The following TSC22D3 variants were observed in gnomAD, a reference collection of about 807,000 sequenced individuals.
TSC22D3 encodes the protein TSC22 domain family protein 3.
TSC22D3 carries 4 observed loss-of-function variants against 11.1 expected under a neutral mutation model. The ratio of observed to expected loss-of-function variants is 0.36; its 90% CI spans 0.18 to 0.83. The LOEUF (loss-of-function observed/expected upper bound fraction) is 0.83, where lower values mean the gene tolerates loss of function less well. Ranked by LOEUF, TSC22D3 falls within the 40% of genes least tolerant of loss-of-function variation. TSC22D3 has a pLI of 0.48. For synonymous variants in TSC22D3, 77 were observed against 70.3 expected (o/e 1.10, Z -0.48); for missense variants, 118 against 159.4 (o/e 0.74, Z 1.40).
intron 1 of TSC22D3, among the ~76,000 whole-genome samples, chrX:107,749,070 C>T (rs753886043): frequency 2.4e-4 from 27 of 110,907 alleles, no homozygotes; most frequent in Non-Finnish European, 4.7e-4. Flanking sequence ...TGCGGTGGCT[C>T]ATGCCTGTGA....
At chrX:107,774,003 G>A (rs1165411360) in intron 1 of TSC22D3, among the ~76,000 whole-genome samples, 1 of 112,084 alleles carries the variant, frequency 8.9e-6, no homozygotes, top group East Asian at 2.8e-4. Flanking sequence ...GGAGAGACTA[G>A]AGAGGTCAGG....
At chrX:107,734,512 C>T (rs1928034888) in intron 1 of TSC22D3, among the ~76,000 whole-genome samples, 1 of 111,565 alleles carries the variant, frequency 9.0e-6, no homozygotes, top group African/African-American at 3.3e-5. Flanking sequence ...ATTTTTTGGC[C>T]CCTGCCACCT....
At chrX:107,729,929 G>T (rs1405944773) in intron 1 of TSC22D3, among the ~76,000 whole-genome samples, 1 of 112,669 alleles carries the variant, frequency 8.9e-6, no homozygotes, top group African/African-American at 3.2e-5. Context: ...GGTGGGCCTT[G>T]CTTTAAGCAA....
intron 1 of TSC22D3, among the ~76,000 whole-genome samples, chrX:107,767,828 T>C (rs1266435835): frequency 8.9e-6 from 1 of 112,226 alleles, no homozygotes; most frequent in African/African-American, 3.2e-5. Context: ...TGTCCCATTA[T>C]TGCAGACTTT....
chrX:107,763,675 A>G (rs1384922986), intron 1 of TSC22D3, among the ~76,000 whole-genome samples: 2 of 111,991 alleles, frequency 1.8e-5, no homozygotes, highest in Admixed American at 1.9e-4. Flanking sequence ...CCGCAAAGGG[A>G]AAAGAAAACC....
Position 107,732,380 on chromosome X carries a change from C to T in TSC22D3, c.321-16430G>A, listed in dbSNP as rs189312193. On this transcript the variant is annotated intron_variant, in intron 1 of 2. Transcript: ENST00000372383. ...TGCCCACATTCACACTCTGACAGAACTCCTCCCCTCCTTATGCAAAAGGAA... is the reference window on the plus strand; with the variant it reads ...TGCCCACATTCACACTCTGACAGAATTCCTCCCCTCCTTATGCAAAAGGAA... 4.1e-3 allele frequency among the ~76,000 whole-genome samples: 454 copies of T among 110,253 alleles called. 3 individuals are homozygous for T. The highest frequency in any genetic ancestry group is 0.014 in the African/African-American group (428 of 30,247).
intron 1 of TSC22D3, among the ~76,000 whole-genome samples, chrX:107,748,552 C>A (rs1159120415): frequency 9.0e-6 from 1 of 111,719 alleles, no homozygotes; most frequent in Non-Finnish European, 1.9e-5. Flanking sequence ...ACGGTGGGAT[C>A]TTCCTCCCTT....
At chrX:107,765,532 G>A (rs1929619546) in intron 1 of TSC22D3, among the ~76,000 whole-genome samples, 1 of 112,083 alleles carries the variant, frequency 8.9e-6, no homozygotes, top group African/African-American at 3.2e-5. Flanking sequence ...GCAGGCCCTT[G>A]GTCAATAAAT....
intron 1 of TSC22D3, among the ~76,000 whole-genome samples, chrX:107,773,819 A>G (rs1930013497): frequency 9.0e-6 from 1 of 111,703 alleles, no homozygotes; most frequent in Non-Finnish European, 1.9e-5. Context: ...AGGGAGGCAA[A>G]CCTGCTCTTA....
intron 1 of TSC22D3, among the ~76,000 whole-genome samples, chrX:107,752,835 ACT>A (rs1490673561): frequency 1.8e-5 from 2 of 111,269 alleles, no homozygotes; most frequent in South Asian, 3.8e-4. Flanking sequence ...GGAAGAAAAG[ACT>A]CTGTCCCAGG....
intron 1 of TSC22D3, among the ~76,000 whole-genome samples, chrX:107,768,752 G>A (rs1361229275): frequency 4.4e-5 from 5 of 112,626 alleles, no homozygotes; most frequent in Non-Finnish European, 9.4e-5. Context: ...ATGACCAGAG[G>A]TCTGATAAAC....
chrX:107,718,713 A>C (rs1455780820), intron 1 of TSC22D3, among the ~76,000 whole-genome samples: 1 of 112,543 alleles, frequency 8.9e-6, no homozygotes, highest in African/African-American at 3.2e-5. Flanking sequence ...TATATTGCAA[A>C]GTACTGACCA....
intron 1 of TSC22D3, among the ~76,000 whole-genome samples, chrX:107,767,118 TC>T (rs1056111164): frequency 1.8e-5 from 2 of 111,231 alleles, no homozygotes; most frequent in African/African-American, 6.5e-5. Flanking sequence ...GGAGCGGGAA[TC>T]CTGGCCAGAC....
At chrX:107,744,070 T>A (rs920288333) in intron 1 of TSC22D3, among the ~76,000 whole-genome samples, 4 of 112,278 alleles carry the variant, frequency 3.6e-5, no homozygotes, top group African/African-American at 1.3e-4. Context: ...TGTAGGTAGA[T>A]GGTAAGGTTC....
intron 1 of TSC22D3, chrX:107,722,259 C>T: frequency 6.5e-6 from 1 of 153,148 alleles, no homozygotes; most frequent in Non-Finnish European, 1.3e-5. Context: ...CTTGGAAAAG[C>T]AGCTCTAGCA....
chrX:107,743,530 C>T (rs746088684), intron 1 of TSC22D3, among the ~76,000 whole-genome samples: 10 of 111,926 alleles, frequency 8.9e-5, no homozygotes, highest in South Asian at 3.7e-4. Context: ...GCAGGTATTT[C>T]GGGCCCCAGA....
At chrX:107,742,137 A>C (rs958882414) in intron 1 of TSC22D3, among the ~76,000 whole-genome samples, 1 of 110,382 alleles carries the variant, frequency 9.1e-6, no homozygotes, top group Non-Finnish European at 1.9e-5. Context: ...AAGTTGCACC[A>C]GCAGGTGATG....
chrX:107,775,068 A>G (rs1412110574), intron 1 of TSC22D3, 32 bp downstream of exon 1: 2 of 1,198,245 alleles, frequency 1.7e-6, no homozygotes, highest in East Asian at 5.9e-5. Flanking sequence ...GGGAGCAAGG[A>G]CCGAGTTGCC....
At chrX:107,728,055 T>C (rs1189071692) in intron 1 of TSC22D3, among the ~76,000 whole-genome samples, 3 of 111,532 alleles carry the variant, frequency 2.7e-5, no homozygotes, top group Non-Finnish European at 5.6e-5. Context: ...TAGACTAGAA[T>C]ATAAACCTTG....
Sources: allele counts gnomAD v4.1 joint callset (sites outside exome capture counted in the v4.1 genomes callset), GRCh38; gene constraint gnomAD v4.1.1; transcripts MANE v1.5; gene names NCBI Gene and HGNC (gene_info 2026-07-23, HGNC 2026-07-21).